SNX30: variants seen among roughly 807,000 people sequenced by gnomAD.
SNX30 encodes sorting nexin family member 30.
In SNX30, 24 loss-of-function variants were observed where a neutral mutation model predicts 46.4. The observed-to-expected ratio is 0.52, with a 90% CI of 0.37 to 0.73. The LOEUF is 0.73. SNX30 is among the 30% of genes least tolerant of loss of function. The pLI is 0.00. For missense variants in SNX30, 533 were observed against 555.7 expected, an observed-to-expected ratio of 0.96 and a Z score of 0.41; for synonymous variants, 189 against 211.5, an observed-to-expected ratio of 0.89 and a Z score of 0.92.
chr9:112,795,000 A>C (rs942940541), intron 1 of SNX30, among the ~76,000 whole-genome samples: 9 of 152,224 alleles, frequency 5.9e-5, no homozygotes, highest in Non-Finnish European at 1.3e-4. Flanking sequence ...CTCTTCACAA[A>C]GGCTATTCTG....
Position 112,869,155 on chromosome 9 carries a change from A to G in SNX30, c.*312A>G, listed in dbSNP as rs1841406614. 1 of 305,784 alleles carries G rather than the reference A, an allele frequency of 3.3e-6. No individual in the cohort carries two copies. 18.9% of individuals were successfully genotyped at this position (305,784 alleles called of 1,614,324 possible). ...AAGACAACCTGCAGCTGACGCTCTG[A>G]CATTTCATGACAGTTTCCTCTTTAG... On this transcript the variant is annotated 3_prime_UTR_variant, in exon 9 of 9. Transcript: ENST00000374232.
chr9:112,881,097 G>A (rs1264578021), intron 5 of SNX30, among the ~76,000 whole-genome samples: 1 of 152,150 alleles, frequency 6.6e-6, no homozygotes, highest in Non-Finnish European at 1.5e-5. Flanking sequence ...CCATTACATT[G>A]TTTAAAATTA....
chr9:112,807,052 C>CTTTTTTTTT (rs10554051), intron 2 of SNX30, among the ~76,000 whole-genome samples: 15 of 63,028 alleles, frequency 2.4e-4, no homozygotes, highest in Non-Finnish European at 3.2e-4. Flanking sequence ...TCTTTTCTAT[C>CTTTTTTTTT]TTTTTTTTTT....
intron 1 of SNX30, among the ~76,000 whole-genome samples, chr9:112,783,635 T>C (rs1237749725): frequency 1.3e-5 from 2 of 152,188 alleles, no homozygotes; most frequent in Non-Finnish European, 2.9e-5. Flanking sequence ...CACCTTTTGC[T>C]GTCTGCCAAG....
chr9:112,807,179 C>T (rs1840241842), intron 2 of SNX30, among the ~76,000 whole-genome samples: 1 of 150,520 alleles, frequency 6.6e-6, no homozygotes, highest in African/African-American at 2.5e-5. Context: ...GATTCTCCTG[C>T]CTCAGCCTCC....
At chr9:112,866,759 G>T (rs556488823) in intron 8 of SNX30, among the ~76,000 whole-genome samples, 1 of 104,670 alleles carries the variant, frequency 9.6e-6, no homozygotes, top group South Asian at 3.4e-4. Flanking sequence ...AACTCCTCCT[G>T]CCTCCTCAGA....
chr9:112,830,636 G>C (rs1170897863), intron 3 of SNX30, 89 bp from the exon 4 acceptor site: 7 of 1,183,826 alleles, frequency 5.9e-6, no homozygotes, highest in Non-Finnish European at 8.3e-6. Context: ...TTCTTGGATA[G>C]AGGGGTAATA....
intron 2 of SNX30, among the ~76,000 whole-genome samples, chr9:112,817,383 GA>G (rs67091600): frequency 0.83 from 77,037 of 92,508 alleles, 32,307 homozygotes; most frequent in African/African-American, 0.92. Flanking sequence ...TGACGGTAGG[GA>G]AAAAAAAAAA....
At chr9:112,821,557 G>A (rs1040454603) in intron 3 of SNX30, among the ~76,000 whole-genome samples, 14 of 151,840 alleles carry the variant, frequency 9.2e-5, no homozygotes, top group Non-Finnish European at 4.4e-5. Context: ...TGTGATCTCG[G>A]CTCACTGCAA....
At chr9:112,812,725 TAA>T (rs149328223) in intron 2 of SNX30, among the ~76,000 whole-genome samples, 10,357 of 152,298 alleles carry the variant, frequency 0.068, 446 homozygotes, top group Non-Finnish European at 0.099. Context: ...AATTTGGAAA[TAA>T]GAGTGAATAT....
downstream of SNX30, chr9:112,879,717 G>T (rs775084075): frequency 1.3e-6 from 2 of 1,565,194 alleles, no homozygotes; most frequent in Admixed American, 3.3e-5. Context: ...GTCTTCTGGG[G>T]GCCTGGCCAT....
At chr9:112,823,492 C>T (rs1157895009) in intron 3 of SNX30, among the ~76,000 whole-genome samples, 1 of 152,176 alleles carries the variant, frequency 6.6e-6, no homozygotes, top group African/African-American at 2.4e-5. Flanking sequence ...GCACTAGTTA[C>T]ACAGCAGAGC....
chr9:112,860,225 C>T (rs1564294810), intron 7 of SNX30, among the ~76,000 whole-genome samples: 1 of 152,212 alleles, frequency 6.6e-6, no homozygotes, highest in Non-Finnish European at 1.5e-5. Flanking sequence ...GGATTACAGG[C>T]GTGAGCCACT....
intron 1 of SNX30, among the ~76,000 whole-genome samples, chr9:112,771,156 G>A (rs573346356): frequency 1.3e-5 from 2 of 152,288 alleles, no homozygotes; most frequent in Admixed American, 1.3e-4. Context: ...TAAACTTCTT[G>A]AAGGCAAGGG....
intron 1 of SNX30, among the ~76,000 whole-genome samples, chr9:112,782,149 C>G (rs1839856099): frequency 6.6e-6 from 1 of 152,034 alleles, no homozygotes; most frequent in South Asian, 2.1e-4. Flanking sequence ...TCACTGCACC[C>G]TCTACCTTCC....
At chr9:112,781,798 A>AT (rs34248700) in intron 1 of SNX30, among the ~76,000 whole-genome samples, 5,737 of 139,620 alleles carry the variant, frequency 0.041, 126 homozygotes, top group East Asian at 0.12. Flanking sequence ...CGCTTGGCTA[A>AT]TTTTTTTTTT....
chr9:112,848,325 G>T (rs1288991175), intron 6 of SNX30, among the ~76,000 whole-genome samples: 2 of 152,054 alleles, frequency 1.3e-5, no homozygotes, highest in South Asian at 2.1e-4. Flanking sequence ...TATCAATAGA[G>T]ACTGGGCTGG....
chr9:112,760,354 A>G (rs577398290), intron 1 of SNX30, among the ~76,000 whole-genome samples: 76 of 152,308 alleles, frequency 5.0e-4, no homozygotes, highest in African/African-American at 1.7e-3. Context: ...AGGTTGGGAC[A>G]GAAATACCCT....
At chr9:112,822,622 A>G (rs186313814) in intron 3 of SNX30, among the ~76,000 whole-genome samples, 2 of 144,634 alleles carry the variant, frequency 1.4e-5, no homozygotes, top group Admixed American at 1.5e-4. Flanking sequence ...CTCTCGTCTT[A>G]TCACATTTTA....
Sources: gnomAD v4.1 joint callset for allele counts (sites outside exome capture counted in the v4.1 genomes callset) on GRCh38, gnomAD v4.1.1 for gene constraint, MANE v1.5 for transcripts, NCBI Gene and HGNC (gene_info 2026-07-23, HGNC 2026-07-21) for gene names.